Variants in COP1 observed in about 807,000 individuals in gnomAD.
COP1 encodes E3 ubiquitin-protein ligase COP1.
COP1 carries 24 observed loss-of-function variants against 101.3 expected under a neutral mutation model. The observed-to-expected ratio is 0.24, with a 90% CI of 0.17 to 0.33. COP1 has a LOEUF of 0.33. Ranked by LOEUF, COP1 falls within the 10% of genes least tolerant of loss-of-function variation. COP1 has a pLI of 1.00. For missense variants in COP1, 663 were observed against 906.2 expected, an observed-to-expected ratio of 0.73 and a Z score of 3.45; for synonymous variants, 347 against 341.9, an observed-to-expected ratio of 1.01 and a Z score of -0.17.
intron 15 of COP1, among the ~76,000 whole-genome samples, chr1:176,016,680 G>A (rs1665706538): frequency 6.6e-6 from 1 of 151,864 alleles, no homozygotes; most frequent in Non-Finnish European, 1.5e-5. Flanking sequence ...ATTTTGTATG[G>A]AATTTGTAAT....
intron 1 of COP1, among the ~76,000 whole-genome samples, chr1:176,190,156 A>G (rs1698965719): frequency 6.6e-6 from 1 of 152,136 alleles, no homozygotes; most frequent in Admixed American, 6.5e-5. Flanking sequence ...TGAGACCAGA[A>G]GTGTTTCAGA....
intron 8 of COP1, among the ~76,000 whole-genome samples, chr1:176,121,442 T>C (rs944365): frequency 0.27 from 41,212 of 152,004 alleles, 6,691 homozygotes; most frequent in East Asian, 0.52. Context: ...TCAACAACAA[T>C]AACAGCAGCA....
At chr1:176,106,163 T>C (rs1191300615) in intron 9 of COP1, among the ~76,000 whole-genome samples, 1 of 152,162 alleles carries the variant, frequency 6.6e-6, no homozygotes, top group East Asian at 1.9e-4. Context: ...CCTGAGTAGC[T>C]GGGATTACAG....
rs954510325 is a variant in COP1, at chr1:176,004,025, C to A, written c.1730-14546G>T. Among the ~76,000 whole-genome samples, 90 of 145,184 alleles carry A rather than the reference C, an allele frequency of 6.2e-4. 1 individual carries two copies. The highest frequency in any genetic ancestry group is 1.7e-3 in the African/African-American group (68 of 39,880). ...ATTTGTTTGTATCCTCTTTTATTTC[C>A]TTGAGCAGTGGTTTGTAGTTCTCCT... On this transcript the variant is annotated intron_variant, in intron 15 of 19. Transcript: ENST00000367669.
intron 9 of COP1, among the ~76,000 whole-genome samples, chr1:176,099,822 C>T (rs1376903105): frequency 2.0e-5 from 3 of 152,092 alleles, no homozygotes; most frequent in Non-Finnish European, 2.9e-5. Context: ...AGAATGTCAC[C>T]TTCTACAGGC....
intron 14 of COP1, among the ~76,000 whole-genome samples, chr1:176,031,753 C>T (rs533271438): frequency 4.6e-5 from 7 of 152,130 alleles, no homozygotes; most frequent in South Asian, 2.1e-4. Flanking sequence ...ATTTCTTTAA[C>T]GTTAATGTGT....
intron 14 of COP1, among the ~76,000 whole-genome samples, chr1:176,039,644 T>C (rs1670179643): frequency 6.6e-6 from 1 of 151,782 alleles, no homozygotes; most frequent in Admixed American, 6.6e-5. Context: ...ACTGAAACAA[T>C]CTTGAAAAAG....
chr1:176,126,108 T>C (rs552602612), intron 8 of COP1, among the ~76,000 whole-genome samples: 15 of 152,330 alleles, frequency 9.8e-5, no homozygotes, highest in African/African-American at 3.6e-4. Flanking sequence ...TTCGTTCTAA[T>C]AGTTTTTTGG....
chr1:176,166,337 G>A (rs1024377872), intron 3 of COP1, among the ~76,000 whole-genome samples: 3 of 152,138 alleles, frequency 2.0e-5, no homozygotes, highest in Non-Finnish European at 4.4e-5. Flanking sequence ...ATGTTGCCCA[G>A]GCTGATCTTG....
chr1:176,177,093 A>G (rs1697060762), intron 2 of COP1, among the ~76,000 whole-genome samples: 1 of 152,168 alleles, frequency 6.6e-6, no homozygotes, highest in Non-Finnish European at 1.5e-5. Context: ...GACTAAATAA[A>G]TTTGTAAACA....
At chr1:176,028,409 A>G (rs1439162529) in intron 14 of COP1, among the ~76,000 whole-genome samples, 1 of 151,634 alleles carries the variant, frequency 6.6e-6, no homozygotes, top group Non-Finnish European at 1.5e-5. Context: ...TACTAAAAAT[A>G]CAAAAGTTAG....
chr1:176,125,079 T>C (rs1313359969), intron 8 of COP1, among the ~76,000 whole-genome samples: 1 of 143,544 alleles, frequency 7.0e-6, no homozygotes. Context: ...GTCTAATCTT[T>C]TACCCATTTT....
chr1:175,993,835 G>A (rs1479080894), intron 15 of COP1, among the ~76,000 whole-genome samples: 3 of 152,210 alleles, frequency 2.0e-5, no homozygotes, highest in East Asian at 1.9e-4. Context: ...ATATTATCCA[G>A]GAGAACTTCC....
At chr1:176,056,900 G>A (rs1475114829) in intron 11 of COP1, among the ~76,000 whole-genome samples, 1 of 152,170 alleles carries the variant, frequency 6.6e-6, no homozygotes, top group Non-Finnish European at 1.5e-5. Context: ...AGGATTCAAT[G>A]TATCTACTAA....
chr1:176,206,510 C>G, intron 1 of COP1, 62 bp downstream of exon 1: 1 of 1,580,676 alleles, frequency 6.3e-7, no homozygotes, highest in Non-Finnish European at 8.6e-7. Context: ...CCCCCCGCCC[C>G]CAAGCCTAAG....
chr1:176,149,285 G>A (rs1191848032), intron 5 of COP1, among the ~76,000 whole-genome samples: 2 of 152,002 alleles, frequency 1.3e-5, no homozygotes, highest in African/African-American at 2.4e-5. Context: ...TAAGAAACAG[G>A]TGTTCTAAAT....
intron 6 of COP1, among the ~76,000 whole-genome samples, chr1:176,146,698 A>G (rs1691635312): frequency 6.6e-6 from 1 of 152,214 alleles, no homozygotes; most frequent in Non-Finnish European, 1.5e-5. Context: ...AGAAACCCAG[A>G]GCCAAGGCAC....
intron 2 of COP1, among the ~76,000 whole-genome samples, chr1:176,179,465 T>C (rs1697438170): frequency 6.6e-6 from 1 of 152,208 alleles, no homozygotes. Flanking sequence ...CTGGGTGCAG[T>C]GGCTCGTGCC....
chr1:175,948,945 A>G (rs1011076190), intron 18 of COP1, among the ~76,000 whole-genome samples: 2 of 151,458 alleles, frequency 1.3e-5, no homozygotes, highest in African/African-American at 2.4e-5. Context: ...TGGGCAGATC[A>G]TGAGGTCAGA....
Sources: allele counts gnomAD v4.1 joint callset (sites outside exome capture counted in the v4.1 genomes callset), GRCh38; gene constraint gnomAD v4.1.1; transcripts MANE v1.5; gene names NCBI Gene and HGNC (gene_info 2026-07-23, HGNC 2026-07-21).